GTF2IRD1: variants seen among roughly 807,000 people sequenced by gnomAD.
GTF2IRD1 encodes general transcription factor II-I repeat domain-containing protein 1.
Under a neutral mutation model 113.2 loss-of-function variants are expected in GTF2IRD1, and 26 were observed. The observed-to-expected ratio is 0.23, with a 90% CI of 0.17 to 0.32. The LOEUF is 0.32. Ranked by LOEUF, GTF2IRD1 falls within the 10% of genes least tolerant of loss-of-function variation. GTF2IRD1 has a pLI of 1.00. For synonymous variants in GTF2IRD1, 484 were observed against 529.1 expected, an observed-to-expected ratio of 0.91 and a Z score of 1.17; for missense variants, 864 against 1,280.8, an observed-to-expected ratio of 0.67 and a Z score of 4.97.
intron 1 of GTF2IRD1, among the ~76,000 whole-genome samples, chr7:74,493,110 C>CT (rs60137731): frequency 0.1 from 14,045 of 134,230 alleles, 1,389 homozygotes; most frequent in African/African-American, 0.26. Context: ...TCTTCTTCTT[C>CT]TTTTTTTTTT....
Position 74,574,527 on chromosome 7 carries a change from C to T in GTF2IRD1, c.2320+14872C>T, listed in dbSNP as rs782783504. On this transcript the variant is annotated intron_variant, in intron 22 of 26. Transcript: ENST00000424337. ...AGGCTGGAGTGCAGTAGCACGATCA[C>T]GGCTCACTGCATCCTCGACCTCCCT... is the stretch of plus-strand genomic sequence containing the variant. Among the ~76,000 whole-genome samples, 250 of 150,014 alleles carry T rather than the reference C, an allele frequency of 1.7e-3. 7 individuals are homozygous for T. Among genetic ancestry groups the T allele is most frequent in the South Asian group, 1.1e-3 (5 of 4,754 alleles).
At chr7:74,574,014 G>A (rs942709735) in intron 22 of GTF2IRD1, among the ~76,000 whole-genome samples, 2 of 152,020 alleles carry the variant, frequency 1.3e-5, no homozygotes, top group Non-Finnish European at 1.5e-5. Flanking sequence ...ACAGAGTTGC[G>A]CTCTTATTGC....
Position 74,564,593 on chromosome 7 carries a change from A to AT in GTF2IRD1, c.2320+4945dup, listed in dbSNP as rs1371649484. On this transcript the variant is annotated intron_variant, in intron 22 of 26. Coordinates refer to ENST00000424337, the MANE Select transcript of GTF2IRD1 (RefSeq NM_005685.4). ...TAGCAAGATCCCATCCTGCAAAGACATTTTTTTAAATTAGCCAGACATGGT... is the reference window on the plus strand; with the variant it reads ...TAGCAAGATCCCATCCTGCAAAGACATTTTTTTTAAATTAGCCAGACATGGT... 2.6e-5 allele frequency among the ~76,000 whole-genome samples: 4 copies of AT among 152,118 alleles called. No individual in the cohort carries two copies. In the East Asian group the frequency reaches 5.8e-4, roughly 22 times the overall value.
chr7:74,588,297 G>A (rs1801847786), intron 22 of GTF2IRD1, among the ~76,000 whole-genome samples: 1 of 151,416 alleles, frequency 6.6e-6, no homozygotes, highest in Non-Finnish European at 1.5e-5. Context: ...TAGTAGAGAC[G>A]GGGTTTCGCT....
chr7:74,529,985 A>G, intron 9 of GTF2IRD1, 68 bp downstream of exon 9: 1 of 1,193,944 alleles, frequency 8.4e-7, no homozygotes. Flanking sequence ...CAAGGCAGGC[A>G]GATCGCTTGA....
intron 1 of GTF2IRD1, among the ~76,000 whole-genome samples, chr7:74,463,280 G>A (rs1273257301): frequency 1.3e-5 from 2 of 152,180 alleles, no homozygotes; most frequent in African/African-American, 2.4e-5. Flanking sequence ...CTGTCACCCA[G>A]GCTGGAGTGC....
rs370826084 is a variant in GTF2IRD1, at chr7:74,518,363, CCAGGGCCGGGT to C, written c.605+52_605+62del. ...GGCCCGGGGCTGGGCTGGGGCTGGG[CCAGGGCCGGGT>C]CAGGGCCGGGGGCTGGAGGCCACTT... On this transcript the variant is annotated intron_variant, in intron 5 of 26. Coordinates refer to ENST00000424337, the MANE Select transcript of GTF2IRD1 (RefSeq NM_005685.4). 1,072 of 1,503,608 alleles carry C rather than the reference CCAGGGCCGGGT, an allele frequency of 7.1e-4. 7 individuals carry two copies. The African/African-American group carries it at 0.014, about 19-fold the overall frequency. 93.1% of individuals were successfully genotyped at this position (1,503,608 alleles called of 1,614,324 possible).
intron 1 of GTF2IRD1, among the ~76,000 whole-genome samples, chr7:74,504,904 C>T (rs1336777826): frequency 2.0e-5 from 3 of 151,892 alleles, no homozygotes; most frequent in Non-Finnish European, 2.9e-5. Context: ...GACGGGGTTT[C>T]ACCATGTTGT....
At chr7:74,545,196 G>C (rs1284231633) in intron 15 of GTF2IRD1, among the ~76,000 whole-genome samples, 3 of 152,128 alleles carry the variant, frequency 2.0e-5, no homozygotes, top group African/African-American at 7.2e-5. Flanking sequence ...TCTCAGGAAC[G>C]TGAGAATTCC....
At chr7:74,558,678 CT>C (rs1554358081) in intron 20 of GTF2IRD1, among the ~76,000 whole-genome samples, 182 bp from the exon 21 acceptor site, 4 of 151,872 alleles carry the variant, frequency 2.6e-5, no homozygotes, top group Non-Finnish European at 5.9e-5. Flanking sequence ...TTTTTATGTT[CT>C]GATCAAACAG....
chr7:74,508,953 G>A (rs186869058), intron 2 of GTF2IRD1, among the ~76,000 whole-genome samples: 25 of 152,192 alleles, frequency 1.6e-4, no homozygotes, highest in African/African-American at 5.5e-4. Context: ...CTCCCCTGGC[G>A]CTATTGCCTA....
intron 22 of GTF2IRD1, among the ~76,000 whole-genome samples, chr7:74,568,582 A>T (rs1430792491): frequency 2.0e-5 from 3 of 152,126 alleles, no homozygotes; most frequent in Non-Finnish European, 4.4e-5. Flanking sequence ...CGGGAGGCGG[A>T]ACTTGCAGTG....
intron 1 of GTF2IRD1, among the ~76,000 whole-genome samples, chr7:74,492,473 C>T (rs782657102): frequency 6.6e-6 from 1 of 152,022 alleles, no homozygotes; most frequent in African/African-American, 2.4e-5. Context: ...CCTGGCCCAG[C>T]ATCTGTCATT....
chr7:74,513,088 C>T (rs991296219), intron 3 of GTF2IRD1, 117 bp downstream of exon 3: 32 of 956,996 alleles, frequency 3.3e-5, no homozygotes, highest in Admixed American at 1.6e-4. Flanking sequence ...GGGGAGTGAA[C>T]CTAACAAGCT....
chr7:74,588,083 T>TTTTTCTTTTTTTCTTTTC lies in GTF2IRD1; in HGVS notation c.2321-1755_2321-1738dup, dbSNP rs1562895264. Reference sequence around the variant, plus strand: ...TCAGCCACTTCCAGGACATGGGATCTTTTTCTTTTTTTCTTTTCTTTTCTT... The same window carrying TTTTTCTTTTTTTCTTTTC: ...TCAGCCACTTCCAGGACATGGGATCTTTTTCTTTTTTTCTTTTCTTTTCTTTTTTTCTTTTCTTTTCTT... On this transcript the variant is annotated intron_variant, in intron 22 of 26. Coordinates refer to ENST00000424337, the MANE Select transcript of GTF2IRD1 (RefSeq NM_005685.4). Among the ~76,000 whole-genome samples the TTTTTCTTTTTTTCTTTTC allele has an allele frequency of 2.6e-5, 4 of 151,770 alleles. No individual in the cohort carries two copies. The East Asian group carries it at 7.7e-4, about 29-fold the overall frequency.
At chr7:74,553,497 A>G (rs1799425247) in intron 17 of GTF2IRD1, among the ~76,000 whole-genome samples, 2 of 151,416 alleles carry the variant, frequency 1.3e-5, no homozygotes, top group South Asian at 4.2e-4. Flanking sequence ...TATGTTGCCC[A>G]AGCTGGTCTC....
intron 10 of GTF2IRD1, 41 bp from the exon 11 acceptor site, chr7:74,536,126 C>G (rs782778870): frequency 2.4e-5 from 30 of 1,251,638 alleles, no homozygotes; most frequent in Non-Finnish European, 3.2e-5. Flanking sequence ...CAAGAGGAGG[C>G]CAGAGGGCCT....
chr7:74,559,148 A>G, intron 21 of GTF2IRD1, 104 bp downstream of exon 21: 1 of 1,077,672 alleles, frequency 9.3e-7, no homozygotes. Flanking sequence ...TCCCCCCTGG[A>G]CAAGGTGGCT....
intron 24 of GTF2IRD1, 58 bp downstream of exon 24, chr7:74,591,075 A>G (rs1802030833): frequency 7.7e-7 from 1 of 1,292,020 alleles, no homozygotes; most frequent in Non-Finnish European, 1.1e-6. Flanking sequence ...GGGAGGGTGA[A>G]AGTCAAGGTC....
Sources: allele counts gnomAD v4.1 joint callset (sites outside exome capture counted in the v4.1 genomes callset), GRCh38; gene constraint gnomAD v4.1.1; transcripts MANE v1.5; gene names NCBI Gene and HGNC (gene_info 2026-07-23, HGNC 2026-07-21).